The following PPP4R2 variants were observed in gnomAD, a reference collection of about 807,000 sequenced individuals.
PPP4R2 encodes the protein serine/threonine-protein phosphatase 4 regulatory subunit 2.
A neutral mutation model predicts 47.2 loss-of-function variants in PPP4R2; 13 were observed. The ratio of observed to expected loss-of-function variants is 0.28; its 90% confidence interval spans 0.18 to 0.44. The LOEUF is 0.44. Ranked by LOEUF, PPP4R2 falls within the 20% of genes least tolerant of loss-of-function variation. The pLI, the probability that PPP4R2 is intolerant of heterozygous loss-of-function variation, is 1.00. For synonymous variants in PPP4R2, 151 were observed against 163.3 expected, an observed-to-expected ratio of 0.92 and a Z score of 0.57; for missense variants, 421 against 491.2, an observed-to-expected ratio of 0.86 and a Z score of 1.35.
intron 2 of PPP4R2, among the ~76,000 whole-genome samples, chr3:73,003,712 T>G (rs7374405): frequency 0.012 from 729 of 58,634 alleles, 11 homozygotes; most frequent in East Asian, 0.034. Context: ...GTTTTGTTTT[T>G]TTTTGAGACA....
intron 2 of PPP4R2, among the ~76,000 whole-genome samples, chr3:73,010,112 T>C (rs1026301269): frequency 2.6e-5 from 4 of 152,228 alleles, no homozygotes; most frequent in Non-Finnish European, 4.4e-5. Context: ...AAATTAGTAA[T>C]GATATGAAAC....
Position 73,018,452 on chromosome 3 carries a change from T to TGTTATGTTATGTTATGTTATG in PPP4R2, c.116+20294_116+20295insGTTATGTTATGTTATGTTATG. ...TGTTATGTTATGTTATGTTATGTTA[T>TGTTATGTTATGTTATGTTATG]TTATGTTATGTTAGTATCCGAAACA... On this transcript the variant is annotated intron_variant, in intron 2 of 8. Transcript: ENST00000356692. Among the ~76,000 whole-genome samples the TGTTATGTTATGTTATGTTATG allele has an allele frequency of 3.6e-3, 350 of 96,556 alleles. 24 individuals are homozygous for TGTTATGTTATGTTATGTTATG. Among genetic ancestry groups the TGTTATGTTATGTTATGTTATG allele is most frequent in the East Asian group, 0.013 (45 of 3,456 alleles). The allele number at this position is 96,556 out of a possible 152,430, so 63.3% of individuals were successfully genotyped here.
At chr3:73,063,530 A>C in intron 5 of PPP4R2, 143 bp from the exon 6 acceptor site, 3 of 581,910 alleles carry the variant, frequency 5.2e-6, no homozygotes, top group Non-Finnish European at 6.2e-6. Context: ...AGGCTGAGGC[A>C]TAAGAATTGC....
At chr3:72,997,107 C>T (rs376281141) in intron 1 of PPP4R2, 36 bp downstream of exon 1, 107 of 1,326,784 alleles carry the variant, frequency 8.1e-5, no homozygotes, top group South Asian at 1.0e-4. Flanking sequence ...TCCCCCTCAC[C>T]TTCTCCGGCT....
chr3:73,038,284 T>TA (rs1702304387), intron 2 of PPP4R2, among the ~76,000 whole-genome samples: 1 of 152,226 alleles, frequency 6.6e-6, no homozygotes, highest in Non-Finnish European at 1.5e-5. Flanking sequence ...GCCGTGCTGT[T>TA]AGAAGAGTCA....
rs371983044 is a variant in PPP4R2, at chr3:73,059,527, G to A, written c.381+397G>A. Among the ~76,000 whole-genome samples, 18 of 152,302 alleles carry A rather than the reference G, an allele frequency of 1.2e-4. 1 individual carries two copies. In the East Asian group the frequency reaches 3.3e-3, roughly 28 times the overall value. On this transcript the variant is annotated intron_variant, in intron 4 of 8. Transcript: ENST00000356692. ...AACTTTGGAAACTTACTGGTGCCAA[G>A]CATGTAAATGAGGTATTGAGTAGAA... is the stretch of plus-strand genomic sequence containing the variant.
intron 3 of PPP4R2, among the ~76,000 whole-genome samples, chr3:73,051,193 G>T (rs769377497): frequency 6.6e-6 from 1 of 152,174 alleles, no homozygotes; most frequent in Non-Finnish European, 1.5e-5. Flanking sequence ...GGGATTACAG[G>T]CATGAGCCAC....
In PPP4R2 at chr3:73,069,022, G is replaced by T. The variant is rs977593239; in HGVS notation, c.*3300G>T. 1 of 152,102 alleles carries T rather than the reference G, an allele frequency of 6.6e-6. No homozygotes were observed. Among genetic ancestry groups the T allele is most frequent in the African/African-American group, 2.4e-5 (1 of 41,408 alleles). 9.4% of individuals were successfully genotyped at this position (152,102 alleles called of 1,614,324 possible). A position where few individuals can be genotyped will look rare whatever the true frequency, so the allele number is the denominator to read the frequency against. Reference sequence around the variant, plus strand: ...TTTCATATGGAATTATAAAAATTAGGTTTGCTGGGTTTTGGCCTAATAAGA... The same window carrying T: ...TTTCATATGGAATTATAAAAATTAGTTTTGCTGGGTTTTGGCCTAATAAGA... On this transcript the variant is annotated 3_prime_UTR_variant, in exon 9 of 9. Coordinates refer to ENST00000356692, the MANE Select transcript of PPP4R2 (RefSeq NM_174907.4).
chr3:73,036,423 TTG>T (rs1702261806), intron 2 of PPP4R2, among the ~76,000 whole-genome samples: 1 of 152,218 alleles, frequency 6.6e-6, no homozygotes, highest in African/African-American at 2.4e-5. Context: ...TGATAAATGT[TTG>T]AAATGGATAG....
chr3:73,002,474 T>G (rs1701489061), intron 2 of PPP4R2, among the ~76,000 whole-genome samples: 1 of 151,904 alleles, frequency 6.6e-6, no homozygotes, highest in South Asian at 2.1e-4. Context: ...CCTAGGCTGA[T>G]CTCCAACTCC....
chr3:73,064,295 T>C, intron 7 of PPP4R2, 149 bp downstream of exon 7: 1 of 668,546 alleles, frequency 1.5e-6, no homozygotes, highest in Non-Finnish European at 2.5e-6. Context: ...TCTTTGCAGC[T>C]GTAGCAAATG....
intron 2 of PPP4R2, among the ~76,000 whole-genome samples, chr3:73,012,094 G>C (rs1701737102): frequency 6.6e-6 from 1 of 152,080 alleles, no homozygotes; most frequent in Non-Finnish European, 1.5e-5. Context: ...ACCTCCTTTG[G>C]ACATAAAATC....
In PPP4R2 at chr3:73,064,154, T is replaced by G; in HGVS notation, c.638+8T>G. 1.3e-6 allele frequency: 2 copies of G among 1,596,228 alleles called. No homozygotes were observed. Among genetic ancestry groups the G allele is most frequent in the Non-Finnish European group, 1.7e-6 (2 of 1,174,406 alleles). ...TGAGGAGAAAAATCACAGGTTTGTA[T>G]GTTTTATATTTAAAAACAGTGTTTT... is the stretch of plus-strand genomic sequence containing the variant. On this transcript the variant is annotated splice_region_variant and intron_variant, in intron 7 of 8. Coordinates refer to ENST00000356692, the MANE Select transcript of PPP4R2 (RefSeq NM_174907.4).
intron 2 of PPP4R2, among the ~76,000 whole-genome samples, chr3:73,007,254 A>G (rs1701627839): frequency 6.6e-6 from 1 of 152,152 alleles, no homozygotes; most frequent in African/African-American, 2.4e-5. Context: ...GTTGTTGATA[A>G]TGCATATTTT....
intron 2 of PPP4R2, among the ~76,000 whole-genome samples, chr3:73,016,796 T>C (rs1229929690): frequency 7.6e-6 from 1 of 132,070 alleles, no homozygotes; most frequent in Non-Finnish European, 1.6e-5. Flanking sequence ...TTAACTGGCT[T>C]TACTGGTTCA....
At chr3:73,062,352 T>TTGG (rs143235716) in intron 5 of PPP4R2, 58,221 of 1,607,216 alleles carry the variant, frequency 0.036, 1,368 homozygotes, top group South Asian at 0.078. Flanking sequence ...ACTGGATGCA[T>TTGG]TGGAACCCCA....
At position 72,996,844 on chromosome 3, in the gene PPP4R2, TG is replaced by T. The variant is rs1701351794; in HGVS notation, c.-190del. ...TGTTGGAGGGTTGGTGGTAGCGGCTTGGGGAGGTGCTCGCTCTGTCGGTCTT... is the reference window on the plus strand; with the variant it reads ...TGTTGGAGGGTTGGTGGTAGCGGCTTGGGAGGTGCTCGCTCTGTCGGTCTT... On this transcript the variant is annotated 5_prime_UTR_variant, in exon 1 of 9. Transcript: ENST00000356692. The T allele has an allele frequency of 2.5e-6, 1 of 399,074 alleles. No individual in the cohort carries two copies. Among genetic ancestry groups the T allele is most frequent in the African/African-American group, 2.1e-5 (1 of 48,314 alleles). The allele number at this position is 399,074 out of a possible 1,614,324, so 24.7% of individuals were successfully genotyped here. A position where few individuals can be genotyped will look rare whatever the true frequency, so the allele number is the denominator to read the frequency against.
intron 2 of PPP4R2, among the ~76,000 whole-genome samples, chr3:73,000,257 G>A (rs1399895792): frequency 1.3e-5 from 2 of 152,170 alleles, no homozygotes; most frequent in East Asian, 3.8e-4. Flanking sequence ...TTGTTGGAAT[G>A]TGGGAGGTTG....
intron 2 of PPP4R2, among the ~76,000 whole-genome samples, chr3:72,999,776 T>A (rs749724770): frequency 6.6e-6 from 1 of 152,210 alleles, no homozygotes; most frequent in African/African-American, 2.4e-5. Context: ...TATTCGGTGT[T>A]TATGTATTCA....
Sources: allele counts gnomAD v4.1 joint callset (sites outside exome capture counted in the v4.1 genomes callset), GRCh38; gene constraint gnomAD v4.1.1; transcripts MANE v1.5; gene names NCBI Gene and HGNC (gene_info 2026-07-23, HGNC 2026-07-21).